PRKCE: variants seen among roughly 807,000 people sequenced by gnomAD.
The protein encoded by PRKCE is protein kinase C epsilon type.
Under a neutral mutation model 85.4 loss-of-function variants are expected in PRKCE, and 16 were observed. The observed-to-expected ratio is 0.19, with a 90% CI of 0.13 to 0.28. PRKCE has a LOEUF of 0.28. Ranked by LOEUF, PRKCE falls within the 10% of genes least tolerant of loss-of-function variation. The probability of loss-of-function intolerance (pLI) is 1.00; values close to 1 mark genes in which losing one functional copy is unlikely to be tolerated. For missense variants in PRKCE, 573 were observed against 975.2 expected, an observed-to-expected ratio of 0.59 and a Z score of 5.49; for synonymous variants, 388 against 371.5, an observed-to-expected ratio of 1.04 and a Z score of -0.51.
At chr2:45,727,365 TC>T (rs1681164073) in intron 1 of PRKCE, among the ~76,000 whole-genome samples, 1 of 152,198 alleles carries the variant, frequency 6.6e-6, no homozygotes, top group Non-Finnish European at 1.5e-5. Context: ...GTTGTGTATG[TC>T]CAACCAGTGC....
chr2:45,686,549 T>G (rs1055369252), intron 1 of PRKCE, among the ~76,000 whole-genome samples: 1 of 152,130 alleles, frequency 6.6e-6, no homozygotes, highest in African/African-American at 2.4e-5. Flanking sequence ...TGGCTTGACA[T>G]AGAATTAATA....
At chr2:45,844,485 A>G (rs1310050391) in intron 2 of PRKCE, among the ~76,000 whole-genome samples, 1 of 152,210 alleles carries the variant, frequency 6.6e-6, no homozygotes, top group East Asian at 1.9e-4. Flanking sequence ...TTAAATGAGC[A>G]CCAGTGTGCC....
intron 2 of PRKCE, among the ~76,000 whole-genome samples, chr2:45,868,332 A>C (rs868290680): frequency 5.5e-5 from 8 of 144,668 alleles, no homozygotes; most frequent in South Asian, 2.2e-4. Context: ...AAAAAAAAAA[A>C]AAAAAAAAAA....
intron 2 of PRKCE, among the ~76,000 whole-genome samples, chr2:45,966,744 G>A (rs1701757959): frequency 6.6e-6 from 1 of 152,074 alleles, no homozygotes; most frequent in African/African-American, 2.4e-5. Context: ...AGCCTTGTGG[G>A]ATGGGGTGTG....
chr2:46,014,193 C>T (rs1705929765), intron 10 of PRKCE, among the ~76,000 whole-genome samples: 1 of 152,200 alleles, frequency 6.6e-6, no homozygotes, highest in East Asian at 1.9e-4. Context: ...GTTTTAATTT[C>T]AGTCAAATTC....
chr2:46,167,097 C>T (rs1363186073), intron 14 of PRKCE: 1 of 152,210 alleles, frequency 6.6e-6, no homozygotes, highest in African/African-American at 2.4e-5. Context: ...CTACCCTGGC[C>T]TTTGAACTTC....
At chr2:46,157,437 T>C (rs1234953760) in intron 13 of PRKCE, among the ~76,000 whole-genome samples, 3 of 152,180 alleles carry the variant, frequency 2.0e-5, no homozygotes, top group Non-Finnish European at 4.4e-5. Context: ...TCTGGAGATA[T>C]TTTTGGTGCT....
rs1050089700 is a variant in PRKCE, at chr2:46,185,711, G to C, written c.*830G>C. ...CAAGGTGGATGCTGTCAATGCCCGA[G>C]TGACACATGAGAGCTGTATGAATTG... On this transcript the variant is annotated 3_prime_UTR_variant, in exon 15 of 15. Coordinates refer to ENST00000306156, the MANE Select transcript of PRKCE (RefSeq NM_005400.3). This position sits in a 1 kb window ranked among gnomAD's most constrained non-coding sequence, Gnocchi z 4.7. 4 of 152,252 alleles carry C rather than the reference G, an allele frequency of 2.6e-5. No homozygotes were observed. Among genetic ancestry groups the C allele is most frequent in the Non-Finnish European group, 5.9e-5 (4 of 68,034 alleles). 9.4% of individuals were successfully genotyped at this position (152,252 alleles called of 1,614,324 possible). A position where few individuals can be genotyped will look rare whatever the true frequency, so the allele number is the denominator to read the frequency against.
chr2:46,035,422 C>G (rs1285000187), intron 10 of PRKCE, among the ~76,000 whole-genome samples: 1 of 152,228 alleles, frequency 6.6e-6, no homozygotes, highest in Non-Finnish European at 1.5e-5. Context: ...AGGGCAGGCT[C>G]TTTTGTGCAG....
At position 45,761,603 on chromosome 2, in the gene PRKCE, G is replaced by A. The variant is rs543245119; in HGVS notation, c.349-81397G>A. 4.6e-5 allele frequency among the ~76,000 whole-genome samples: 7 copies of A among 152,166 alleles called. 1 individual carries two copies. In the South Asian group the frequency reaches 1.5e-3, roughly 32 times the overall value. Reference sequence around the variant, plus strand: ...AGATTCCAATTGGCCTCACTTTTGGGTCTAGTGGATCTGGACTTGGGCCCC... The same window carrying A: ...AGATTCCAATTGGCCTCACTTTTGGATCTAGTGGATCTGGACTTGGGCCCC... On this transcript the variant is annotated intron_variant, in intron 1 of 14. Transcript: ENST00000306156.
At chr2:46,078,365 T>A (rs1205559545) in intron 10 of PRKCE, 1 of 137,062 alleles carries the variant, frequency 7.3e-6, no homozygotes, top group Non-Finnish European at 1.5e-5. Flanking sequence ...GCAAGACTCT[T>A]GTCTCTAAAA....
chr2:45,732,647 C>T (rs936264534), intron 1 of PRKCE, among the ~76,000 whole-genome samples: 3 of 152,140 alleles, frequency 2.0e-5, no homozygotes, highest in African/African-American at 7.2e-5. Context: ...CCTCCAAATC[C>T]AGCTACACAT....
chr2:45,936,273 C>T (rs148385763), intron 2 of PRKCE, among the ~76,000 whole-genome samples: 1 of 152,324 alleles, frequency 6.6e-6, no homozygotes, highest in East Asian at 1.9e-4. Flanking sequence ...GTTATTAGAC[C>T]TTCCATTTAT....
chr2:45,652,533 G>C lies in PRKCE; in HGVS notation c.348+85G>C. 3.9e-6 allele frequency: 5 copies of C among 1,293,708 alleles called. No homozygotes were observed. The highest frequency in any genetic ancestry group is 5.2e-6 in the Non-Finnish European group (5 of 957,574). 80.1% of individuals were successfully genotyped at this position (1,293,708 alleles called of 1,614,324 possible). A position where few individuals can be genotyped will look rare whatever the true frequency, so the allele number is the denominator to read the frequency against. On this transcript the variant is annotated intron_variant, in intron 1 of 14. Transcript: ENST00000306156. This position sits in a 1 kb window ranked among gnomAD's most constrained non-coding sequence, Gnocchi z 7.7. ...TCGCTGGTCTTGATCGTAGGGCTCCGGGACTTATTGACGACTGGGGTGTGT... is the reference window on the plus strand; with the variant it reads ...TCGCTGGTCTTGATCGTAGGGCTCCCGGACTTATTGACGACTGGGGTGTGT...
intron 14 of PRKCE, among the ~76,000 whole-genome samples, chr2:46,170,960 A>T (rs1678835088): frequency 6.6e-6 from 1 of 152,236 alleles, no homozygotes; most frequent in Non-Finnish European, 1.5e-5. Context: ...ATGTCCCTGG[A>T]ATGGTAAACC....
rs948600352 is a variant in PRKCE at position 45,830,030 on chromosome 2, G to A, written c.349-12970G>A. Among the ~76,000 whole-genome samples the A allele has an allele frequency of 1.6e-4, 23 of 140,064 alleles. No individual in the cohort carries two copies. In the East Asian group the frequency reaches 3.4e-3, roughly 21 times the overall value. The allele number at this position is 140,064 out of a possible 152,430, so 91.9% of individuals were successfully genotyped here. On this transcript the variant is annotated intron_variant, in intron 1 of 14. Transcript: ENST00000306156. ...GGAGCTTGCAGTGAGCCGAGATCGC[G>A]CCACTGCACTCCAGCCTGGGCGACA...
At chr2:46,081,002 CAT>C (rs1491246373) in intron 10 of PRKCE, among the ~76,000 whole-genome samples, 1 of 147,576 alleles carries the variant, frequency 6.8e-6, no homozygotes, top group Non-Finnish European at 1.5e-5. Flanking sequence ...CACACACACA[CAT>C]TTTTAGAGGC....
At chr2:46,019,115 G>A (rs1342494453) in intron 10 of PRKCE, among the ~76,000 whole-genome samples, 1 of 152,220 alleles carries the variant, frequency 6.6e-6, no homozygotes, top group Non-Finnish European at 1.5e-5. Context: ...CATTAAATAT[G>A]TGTGTATACA....
intron 2 of PRKCE, among the ~76,000 whole-genome samples, chr2:45,922,120 C>G (rs1698292873): frequency 6.6e-6 from 1 of 152,100 alleles, no homozygotes; most frequent in African/African-American, 2.4e-5. Context: ...TCCTAATGAG[C>G]TGATACTCCT....
Sources: allele counts gnomAD v4.1 joint callset (sites outside exome capture counted in the v4.1 genomes callset), GRCh38; gene constraint gnomAD v4.1.1; non-coding constraint Gnocchi (gnomAD v3.1); transcripts MANE v1.5; gene names NCBI Gene and HGNC (gene_info 2026-07-23, HGNC 2026-07-21).